Variants in PTPRD observed in about 807,000 individuals in gnomAD.
The protein encoded by PTPRD is receptor-type tyrosine-protein phosphatase delta.
Under a neutral mutation model 214.5 loss-of-function variants are expected in PTPRD, and 34 were observed. The ratio of observed to expected loss-of-function variants is 0.16; its 90% confidence interval spans 0.12 to 0.21. PTPRD has a LOEUF of 0.21. Among genes scored for constraint, PTPRD ranks in the 10% least tolerant of loss-of-function variants. The probability of loss-of-function intolerance (pLI) is 1.00; values close to 1 mark genes in which losing one functional copy is unlikely to be tolerated. For synonymous variants in PTPRD, 1,128 were observed against 845.7 expected (o/e 1.33, Z -5.79); for missense variants, 2,545 against 2,398.7 (o/e 1.06, Z -1.27).
chr9:9,256,189 C>A lies in PTPRD; in HGVS notation c.-202-72826G>T, dbSNP rs149103546. Among the ~76,000 whole-genome samples, 547 of 152,042 alleles carry A rather than the reference C, an allele frequency of 3.6e-3. 2 individuals carry two copies. The highest frequency in any genetic ancestry group is 5.2e-3 in the Admixed American group (79 of 15,246). On this transcript the variant is annotated intron_variant, in intron 9 of 45. Transcript: ENST00000381196. ...GCCAAGACTAAATCCAATTCCTTTT[C>A]TCCTTGGACCACAAAGAAGAGTGAC...
intron 39 of PTPRD, 107 bp from the exon 40 acceptor site, chr9:8,342,085 T>G: frequency 3.5e-6 from 4 of 1,146,482 alleles, no homozygotes; most frequent in Non-Finnish European, 3.5e-6. Flanking sequence ...ATCCATTACT[T>G]CTACTCAAAT....
At position 8,906,056 on chromosome 9, in the gene PTPRD, C is replaced by A. The variant is rs138181906; in HGVS notation, c.-104+112641G>T. Among the ~76,000 whole-genome samples, 30 of 152,120 alleles carry A rather than the reference C, an allele frequency of 2.0e-4. No homozygotes were observed. In the East Asian group the frequency reaches 5.8e-3, roughly 29 times the overall value. On this transcript the variant is annotated intron_variant, in intron 11 of 45. Transcript: ENST00000381196. ...TAGATAAATCTGTACGTCCAAAGCTCAGAGAGACACATGGCAAATATTTCT... is the reference window on the plus strand; with the variant it reads ...TAGATAAATCTGTACGTCCAAAGCTAAGAGAGACACATGGCAAATATTTCT...
chr9:9,584,949 C>T (rs2091665446), intron 7 of PTPRD, among the ~76,000 whole-genome samples: 2 of 151,956 alleles, frequency 1.3e-5, no homozygotes, highest in African/African-American at 4.8e-5. Context: ...TATTGCACAA[C>T]CACAAGGATG....
chr9:10,394,680 C>G (rs2098134310), intron 2 of PTPRD, among the ~76,000 whole-genome samples: 2 of 151,744 alleles, frequency 1.3e-5, no homozygotes, highest in Non-Finnish European at 2.9e-5. Flanking sequence ...ATAAAAATAG[C>G]CTTTTGTGAC....
At chr9:8,814,218 A>G (rs751347371) in intron 11 of PTPRD, among the ~76,000 whole-genome samples, 4 of 152,200 alleles carry the variant, frequency 2.6e-5, no homozygotes, top group Non-Finnish European at 4.4e-5. Flanking sequence ...TGCCCTCCCT[A>G]TAGCCAGAAA....
intron 14 of PTPRD, among the ~76,000 whole-genome samples, chr9:8,594,031 T>C (rs1169836932): frequency 6.6e-6 from 1 of 152,190 alleles, no homozygotes; most frequent in Non-Finnish European, 1.5e-5. Context: ...CTTCTCTAGA[T>C]CCCAAGTTAA....
chr9:9,103,811 T>C (rs1432756066), intron 10 of PTPRD, among the ~76,000 whole-genome samples: 1 of 152,006 alleles, frequency 6.6e-6, no homozygotes. Flanking sequence ...TGAAACCCTG[T>C]CTCTACAAAA....
intron 5 of PTPRD, among the ~76,000 whole-genome samples, chr9:9,933,304 C>A (rs1384325040): frequency 2.0e-5 from 3 of 152,104 alleles, no homozygotes; most frequent in South Asian, 4.1e-4. Context: ...AGAGTCAAGA[C>A]CCATCAGTGT....
intron 14 of PTPRD, among the ~76,000 whole-genome samples, chr9:8,573,811 T>C (rs2091785042): frequency 6.6e-6 from 1 of 151,996 alleles, no homozygotes; most frequent in Admixed American, 6.6e-5. Flanking sequence ...TTGTAACCAG[T>C]GTTCAATATT....
chr9:8,436,783 C>A, intron 34 of PTPRD, 94 bp from the exon 35 acceptor site: 2 of 1,001,072 alleles, frequency 2.0e-6, no homozygotes, highest in Non-Finnish European at 1.5e-6. Flanking sequence ...TTAGAAATGG[C>A]CTGAAAATAT....
chr9:9,796,782 G>T (rs986125584), intron 5 of PTPRD, among the ~76,000 whole-genome samples: 1 of 152,146 alleles, frequency 6.6e-6, no homozygotes, highest in Non-Finnish European at 1.5e-5. Context: ...ACTGAGAAAA[G>T]GATGCTAGTG....
chr9:8,628,945 C>G (rs2096148791), intron 14 of PTPRD, among the ~76,000 whole-genome samples: 1 of 151,830 alleles, frequency 6.6e-6, no homozygotes, highest in South Asian at 2.1e-4. Flanking sequence ...TAGATAAGAG[C>G]AGCAGTGTTG....
intron 5 of PTPRD, among the ~76,000 whole-genome samples, chr9:9,834,152 T>C (rs201932701): frequency 9.9e-5 from 15 of 152,034 alleles, no homozygotes; most frequent in Non-Finnish European, 1.6e-4. Flanking sequence ...GGAACTAATA[T>C]ATGTCCATAA....
At chr9:10,491,531 A>T (rs2040236052) in intron 2 of PTPRD, among the ~76,000 whole-genome samples, 1 of 151,972 alleles carries the variant, frequency 6.6e-6, no homozygotes, top group South Asian at 2.1e-4. Context: ...CTACAAGATG[A>T]ACAAAAAAAA....
intron 2 of PTPRD, among the ~76,000 whole-genome samples, chr9:10,399,319 T>C (rs887417411): frequency 2.0e-5 from 3 of 151,968 alleles, no homozygotes; most frequent in Non-Finnish European, 2.9e-5. Context: ...AACACTTACA[T>C]ATCAATGCTT....
intron 8 of PTPRD, among the ~76,000 whole-genome samples, chr9:9,498,442 T>G (rs1041140631): frequency 2.0e-5 from 3 of 152,120 alleles, no homozygotes; most frequent in African/African-American, 7.2e-5. Context: ...TCATTTAGAT[T>G]TGATAAATTA....
chr9:8,415,625 T>C (rs2131291902), intron 35 of PTPRD, among the ~76,000 whole-genome samples: 1 of 152,020 alleles, frequency 6.6e-6, no homozygotes, highest in South Asian at 2.1e-4. Flanking sequence ...AAATGTAATA[T>C]AATCTAAACA....
At chr9:9,863,613 T>C (rs10125073) in intron 5 of PTPRD, among the ~76,000 whole-genome samples, 12,029 of 152,202 alleles carry the variant, frequency 0.079, 1,165 homozygotes, top group African/African-American at 0.23. Context: ...CTTGAGCCCA[T>C]TGAGCAAGGC....
intron 11 of PTPRD, among the ~76,000 whole-genome samples, chr9:8,756,281 T>C (rs138345493): frequency 5.9e-5 from 9 of 152,362 alleles, no homozygotes; most frequent in African/African-American, 2.2e-4. Flanking sequence ...CATGTTAATA[T>C]TATATAATAG....
Sources: gnomAD v4.1 joint callset for allele counts (sites outside exome capture counted in the v4.1 genomes callset) on GRCh38, gnomAD v4.1.1 for gene constraint, MANE v1.5 for transcripts, NCBI Gene and HGNC (gene_info 2026-07-23, HGNC 2026-07-21) for gene names.